Variants in STXBP5L observed in about 807,000 individuals in gnomAD.
The protein encoded by STXBP5L is syntaxin binding protein 5L.
In STXBP5L, 65 loss-of-function variants were observed where a neutral mutation model predicts 144.5. That is an observed-to-expected ratio of 0.45 (90% CI 0.37 to 0.55). The LOEUF (loss-of-function observed/expected upper bound fraction) is 0.55. Ranked by LOEUF, STXBP5L falls within the 20% of genes least tolerant of loss-of-function variation. The probability of loss-of-function intolerance (pLI) is 0.00; values close to 1 mark genes in which losing one functional copy is unlikely to be tolerated. For synonymous variants in STXBP5L, 505 were observed against 469.6 expected, an observed-to-expected ratio of 1.08 and a Z score of -0.97; for missense variants, 1,298 against 1,405.5, an observed-to-expected ratio of 0.92 and a Z score of 1.22.
At chr3:121,414,221 TC>T (rs2047184168) in intron 24 of STXBP5L, among the ~76,000 whole-genome samples, 1 of 152,100 alleles carries the variant, frequency 6.6e-6, no homozygotes, top group Non-Finnish European at 1.5e-5. Context: ...AAGATACAAG[TC>T]CCTGCCTGCT....
chr3:121,393,822 T>G (rs2046657259), intron 22 of STXBP5L, among the ~76,000 whole-genome samples: 1 of 152,248 alleles, frequency 6.6e-6, no homozygotes. Context: ...GCTGTTTTGG[T>G]TATTATAGCC....
At chr3:121,245,347 T>TAA (rs1024049790) in intron 14 of STXBP5L, among the ~76,000 whole-genome samples, 1 of 115,444 alleles carries the variant, frequency 8.7e-6, no homozygotes, top group African/African-American at 3.2e-5. Context: ...AGTATGTCAC[T>TAA]AAAAAAAAAA....
At chr3:121,345,434 G>C (rs1425347603) in intron 20 of STXBP5L, among the ~76,000 whole-genome samples, 3 of 152,094 alleles carry the variant, frequency 2.0e-5, no homozygotes, top group African/African-American at 4.8e-5. Flanking sequence ...TTGTTTCCAA[G>C]TATTTGCTAT....
chr3:121,017,265 A>G (rs1225531461), intron 3 of STXBP5L, among the ~76,000 whole-genome samples: 1 of 152,172 alleles, frequency 6.6e-6, no homozygotes, highest in East Asian at 1.9e-4. Flanking sequence ...AACCCTCAAC[A>G]AACTAGGAAT....
At chr3:121,197,564 G>A (rs955734164) in intron 9 of STXBP5L, among the ~76,000 whole-genome samples, 1 of 152,040 alleles carries the variant, frequency 6.6e-6, no homozygotes, top group African/African-American at 2.4e-5. Context: ...GTATACATGT[G>A]CCATGGTGTT....
intron 19 of STXBP5L, among the ~76,000 whole-genome samples, chr3:121,295,034 A>T (rs1182011904): frequency 1.3e-5 from 2 of 152,204 alleles, no homozygotes; most frequent in African/African-American, 4.8e-5. Flanking sequence ...ATATTTGGTT[A>T]TGAAGGGGTG....
At chr3:121,309,308 AT>A (rs1484482563) in intron 19 of STXBP5L, among the ~76,000 whole-genome samples, 1 of 152,106 alleles carries the variant, frequency 6.6e-6, no homozygotes, top group African/African-American at 2.4e-5. Flanking sequence ...ATGGGAAAAG[AT>A]CATATGAACA....
At chr3:121,034,260 TTAAG>T (rs1051773494) in intron 3 of STXBP5L, among the ~76,000 whole-genome samples, 5 of 152,080 alleles carry the variant, frequency 3.3e-5, no homozygotes, top group African/African-American at 1.2e-4. Context: ...CTTATACCCA[TTAAG>T]TAATTTCTCA....
chr3:120,908,869 G>T (rs1708675872), intron 1 of STXBP5L, among the ~76,000 whole-genome samples: 1 of 147,618 alleles, frequency 6.8e-6, no homozygotes, highest in Non-Finnish European at 1.5e-5. Flanking sequence ...TGAGGGGGAG[G>T]TGAGGGGGAG....
chr3:121,201,380 C>T (rs1237788112), intron 9 of STXBP5L, among the ~76,000 whole-genome samples: 1 of 152,106 alleles, frequency 6.6e-6, no homozygotes, highest in Non-Finnish European at 1.5e-5. Context: ...AATATTCCTC[C>T]ATCTTTTTAT....
At position 121,366,749 on chromosome 3, in the gene STXBP5L, G is replaced by A. The variant is rs1315697234; in HGVS notation, c.2177-11967G>A. 3.9e-5 allele frequency among the ~76,000 whole-genome samples: 6 copies of A among 152,102 alleles called. No homozygotes were observed. In the East Asian group the frequency reaches 1.2e-3, roughly 29 times the overall value. On this transcript the variant is annotated intron_variant, in intron 20 of 26. Coordinates refer to ENST00000471454, the MANE Select transcript of STXBP5L (RefSeq NM_001308330.2). ...TAATTCACTTACATTTAAAGTAATT[G>A]CTGATAAAGAGGGATTTCTGTTATT...
chr3:121,066,072 C>T (rs987551799), intron 5 of STXBP5L, among the ~76,000 whole-genome samples: 1 of 152,090 alleles, frequency 6.6e-6, no homozygotes, highest in South Asian at 2.1e-4. Context: ...AGCCCATGAC[C>T]TTTGTCATAT....
chr3:121,357,126 A>C (rs1467261528), intron 20 of STXBP5L: 2 of 164,936 alleles, frequency 1.2e-5, no homozygotes, highest in African/African-American at 4.8e-5. Context: ...GCAAAACCTC[A>C]TAAACTCCAG....
At chr3:121,022,403 G>T (rs1409007018) in intron 3 of STXBP5L, among the ~76,000 whole-genome samples, 1 of 151,896 alleles carries the variant, frequency 6.6e-6, no homozygotes, top group African/African-American at 2.4e-5. Flanking sequence ...GATAAAAGAG[G>T]TAATCCTCTC....
intron 19 of STXBP5L, among the ~76,000 whole-genome samples, chr3:121,302,221 G>T (rs1433551057): frequency 6.6e-6 from 1 of 152,040 alleles, no homozygotes; most frequent in Non-Finnish European, 1.5e-5. Flanking sequence ...CAATTTCAGA[G>T]CCTGTTATTG....
chr3:121,124,822 C>A (rs762218341), intron 7 of STXBP5L, among the ~76,000 whole-genome samples: 4 of 151,462 alleles, frequency 2.6e-5, no homozygotes, highest in Non-Finnish European at 5.9e-5. Flanking sequence ...TTAGTGGGAA[C>A]TTTTTTTTGT....
At chr3:121,274,461 A>G (rs2050821468) in intron 18 of STXBP5L, among the ~76,000 whole-genome samples, 1 of 152,184 alleles carries the variant, frequency 6.6e-6, no homozygotes, top group South Asian at 2.1e-4. Flanking sequence ...CTCCTATTCA[A>G]CTTTTATCTC....
At position 121,003,194 on chromosome 3, in the gene STXBP5L, T is replaced by C. The variant is rs543109259; in HGVS notation, c.288-38506T>C. ...CCAACAGTGTAAAAGTGTTCCTATT[T>C]CTCCACATCCTCTCCAGCACCTGTT... On this transcript the variant is annotated intron_variant, in intron 3 of 26. Transcript: ENST00000471454. 2.6e-3 allele frequency among the ~76,000 whole-genome samples: 390 copies of C among 152,302 alleles called. 2 individuals carry two copies. The highest frequency in any genetic ancestry group is 0.026 in the South Asian group (123 of 4,820).
intron 3 of STXBP5L, among the ~76,000 whole-genome samples, chr3:120,984,597 C>T (rs1012494799): frequency 8.7e-6 from 1 of 114,640 alleles, no homozygotes; most frequent in African/African-American, 3.4e-5. Flanking sequence ...TTACTTCGTT[C>T]TTTCCAACTT....
Sources: allele counts gnomAD v4.1 joint callset (sites outside exome capture counted in the v4.1 genomes callset), GRCh38; gene constraint gnomAD v4.1.1; transcripts MANE v1.5; gene names NCBI Gene and HGNC (gene_info 2026-07-23, HGNC 2026-07-21).